Variants in SOS2 observed in about 807,000 individuals in gnomAD.
SOS2 encodes son of sevenless homolog 2.
SOS2 carries 65 observed loss-of-function variants against 148.2 expected under a neutral mutation model. The ratio of observed to expected loss-of-function variants is 0.44; its 90% CI spans 0.36 to 0.54. SOS2 has a LOEUF of 0.54. SOS2 is among the 20% of genes least tolerant of loss of function. The pLI, the probability that SOS2 is intolerant of heterozygous loss-of-function variation, is 0.00. For synonymous variants in SOS2, 539 were observed against 537.1 expected, an observed-to-expected ratio of 1.00 and a Z score of -0.05; for missense variants, 1,341 against 1,590.2, an observed-to-expected ratio of 0.84 and a Z score of 2.67.
chr14:50,221,252 T>C (rs1036700280), intron 1 of SOS2, among the ~76,000 whole-genome samples: 7 of 152,204 alleles, frequency 4.6e-5, no homozygotes, highest in African/African-American at 7.2e-5. Context: ...TTGCTTTTTT[T>C]CCCCTGTGAA....
chr14:50,121,527 G>C (rs550789162), intron 21 of SOS2, among the ~76,000 whole-genome samples: 1,550 of 68,476 alleles, frequency 0.023, 164 homozygotes, highest in Non-Finnish European at 0.029. Context: ...TTACTTCCTG[G>C]GGGAGGGGGG....
intron 6 of SOS2, 24 bp from the exon 7 acceptor site, chr14:50,180,706 G>A: frequency 1.6e-6 from 2 of 1,285,544 alleles, no homozygotes; most frequent in Non-Finnish European, 2.2e-6. Context: ...AAGAGAAAAA[G>A]CATTAGGTTT....
Position 50,162,151 on chromosome 14 carries a change from ATTTTTAT to A in SOS2, c.1069-549_1069-543del, listed in dbSNP as rs553224472. 2.2e-3 allele frequency among the ~76,000 whole-genome samples: 334 copies of A among 151,946 alleles called. 2 individuals carry two copies. The highest frequency in any genetic ancestry group is 7.1e-3 in the African/African-American group (296 of 41,474). ...ACTGTAAAAACCATTCGGACATTTTATTTTTATTTTTTATTTTTTTGAGACAGGGTCT... is the reference window on the plus strand; with the variant it reads ...ACTGTAAAAACCATTCGGACATTTTATTTTTATTTTTTTGAGACAGGGTCT... On this transcript the variant is annotated intron_variant, in intron 8 of 22. Coordinates refer to ENST00000216373, the MANE Select transcript of SOS2 (RefSeq NM_006939.4).
rs190047869 is a variant in SOS2, at chr14:50,160,887, C to T, written c.1196+595G>A. 6.4e-4 allele frequency among the ~76,000 whole-genome samples: 98 copies of T among 152,096 alleles called. No homozygotes were observed. The East Asian group carries it at 0.013, about 20-fold the overall frequency. ...TGTTGGCATGTGCCACCCAGCTACT[C>T]GAGTCCCAGCTACTCCAGAGGGTTG... is the stretch of plus-strand genomic sequence containing the variant. On this transcript the variant is annotated intron_variant, in intron 9 of 22. Transcript: ENST00000216373.
At chr14:50,189,400 C>T (rs1039024255) in intron 4 of SOS2, among the ~76,000 whole-genome samples, 11 of 146,558 alleles carry the variant, frequency 7.5e-5, no homozygotes, top group African/African-American at 2.5e-4. Context: ...CCAGTTCAGC[C>T]ACTACTCGAC....
intron 18 of SOS2, among the ~76,000 whole-genome samples, chr14:50,135,089 A>AAAAGAAAGAAAGAAAGAAAGAAAGAAAG (rs536084984): frequency 6.1e-5 from 8 of 131,538 alleles, no homozygotes; most frequent in Non-Finnish European, 9.5e-5. Flanking sequence ...AAAAAAAAAA[A>AAAAGAAAGAAAGAAAGAAAGAAAGAAAG]AAAGAAAGAA....
intron 20 of SOS2, among the ~76,000 whole-genome samples, chr14:50,130,239 CT>C (rs1883822733): frequency 6.6e-6 from 1 of 152,164 alleles, no homozygotes; most frequent in Admixed American, 6.5e-5. Context: ...TATTCATCAT[CT>C]ATTGCTCCCT....
Position 50,188,506 on chromosome 14 carries a change from A to C in SOS2, c.705T>G (p.Phe235Leu), listed in dbSNP as rs766413225. The change falls in exon 5 of 23, where the codon TTT becomes TTG. Residue 235 changes from phenylalanine to leucine, a missense_variant. Phe to Leu is a conservative substitution (Grantham distance 22). This residue lies in a region of SOS2 where 574 missense variants were observed against 711.1 expected (regional missense o/e 0.81). Coordinates refer to ENST00000216373, the MANE Select transcript of SOS2 (RefSeq NM_006939.4). The stretch of plus-strand genomic sequence containing the variant: ...CCAAAAAGGTACTTACAGAAGGTTT[A>C]AACAGCTTTCTATCAGAAAGAAAGG... ...REAFLSDRKLFKPSDIEKIFS... is the reference protein window; with the variant it reads ...REAFLSDRKLLKPSDIEKIFS... 1.3e-6 allele frequency: 2 copies of C among 1,599,088 alleles called. No homozygotes were observed. The highest frequency in any genetic ancestry group is 2.7e-5 in the African/African-American group (2 of 73,870).
intron 7 of SOS2, among the ~76,000 whole-genome samples, chr14:50,180,090 C>T (rs756442064): frequency 1.8e-4 from 28 of 151,596 alleles, no homozygotes; most frequent in Non-Finnish European, 3.2e-4. Context: ...CTGCAACCTC[C>T]GCCTTCCGGG....
rs1163199209 is a variant in SOS2 at position 50,118,518 on chromosome 14, A to G, written c.3825T>C (p.Tyr1275=). The G allele has an allele frequency of 2.5e-6, 4 of 1,614,066 alleles. No individual in the cohort carries two copies. The highest frequency in any genetic ancestry group is 3.3e-5 in the Admixed American group (2 of 60,006). ...TPSPRVPRRC[Y]VLSSSQNNLA... is the part of the protein sequence containing the mutation. ...GATTATTCTGACTAGAACTGAGCAC[A>G]TAGCATCGACGCGGTACCCTTGGAG... is the stretch of plus-strand genomic sequence containing the variant. The change falls in exon 23 of 23, where the codon TAT becomes TAC. Residue 1275 remains tyrosine (Y), a synonymous_variant. Coordinates refer to ENST00000216373, the MANE Select transcript of SOS2 (RefSeq NM_006939.4).
chr14:50,146,331 C>T (rs1429572990), intron 14 of SOS2, among the ~76,000 whole-genome samples: 1 of 151,620 alleles, frequency 6.6e-6, no homozygotes, highest in African/African-American at 2.4e-5. Context: ...TATGCATATA[C>T]CCTAGATAAA....
At chr14:50,153,724 T>TA (rs1884732328) in intron 12 of SOS2, among the ~76,000 whole-genome samples, 1 of 152,184 alleles carries the variant, frequency 6.6e-6, no homozygotes, top group South Asian at 2.1e-4. Flanking sequence ...GTGACTCTCC[T>TA]ACTTCAGCCT....
chr14:50,174,433 G>C, intron 8 of SOS2, 21 bp downstream of exon 8: 3 of 1,373,328 alleles, frequency 2.2e-6, no homozygotes, highest in South Asian at 2.7e-5. Flanking sequence ...AGTACTTTGA[G>C]ATTCTGTTAT....
In SOS2 at chr14:50,140,064, A is replaced by G. The variant is rs1045852656; in HGVS notation, c.2668-5T>C. 10 of 1,282,446 alleles carry G rather than the reference A, an allele frequency of 7.8e-6. No individual in the cohort carries two copies. The African/African-American group carries it at 1.5e-4, about 19-fold the overall frequency. 79.4% of individuals were successfully genotyped at this position (1,282,446 alleles called of 1,614,324 possible). On this transcript the variant is annotated splice_polypyrimidine_tract_variant and splice_region_variant and intron_variant, in intron 16 of 22. Coordinates refer to ENST00000216373, the MANE Select transcript of SOS2 (RefSeq NM_006939.4). ...CCTTTTCCTTTCCTGCAGTGCCTTAAAGTATACATAAATTGAGTATAAATT... is the reference window on the plus strand; with the variant it reads ...CCTTTTCCTTTCCTGCAGTGCCTTAGAGTATACATAAATTGAGTATAAATT...
intron 18 of SOS2, among the ~76,000 whole-genome samples, chr14:50,135,640 T>G (rs1246487009): frequency 7.4e-6 from 1 of 134,362 alleles, no homozygotes; most frequent in Non-Finnish European, 1.6e-5. Context: ...CAATGTGGTT[T>G]GCTTTTTTTT....
At chr14:50,173,455 T>C (rs10132948) in intron 8 of SOS2, among the ~76,000 whole-genome samples, 130,596 of 151,828 alleles carry the variant, frequency 0.86, 56,280 homozygotes, top group East Asian at 0.91. Context: ...GGAGTCTCGC[T>C]CTGTCGCCCA....
chr14:50,188,761 C>G, intron 4 of SOS2, 61 bp from the exon 5 acceptor site: 1 of 1,155,752 alleles, frequency 8.7e-7, no homozygotes, highest in Non-Finnish European at 1.2e-6. Context: ...AAAACTGCCT[C>G]AAAGTACTTG....
chr14:50,139,104 G>A (rs73281487), intron 17 of SOS2, among the ~76,000 whole-genome samples: 5,453 of 152,104 alleles, frequency 0.036, 342 homozygotes, highest in African/African-American at 0.12. Context: ...AATCTATTCT[G>A]ACCAAATATT....
At chr14:50,193,813 C>A (rs1386247677) in intron 4 of SOS2, among the ~76,000 whole-genome samples, 1 of 151,284 alleles carries the variant, frequency 6.6e-6, no homozygotes, top group Non-Finnish European at 1.5e-5. Flanking sequence ...AAGTGGTACT[C>A]GGCTCACTGC....
Sources: allele counts gnomAD v4.1 joint callset (sites outside exome capture counted in the v4.1 genomes callset), GRCh38; gene constraint gnomAD v4.1.1; regional missense constraint gnomAD v4.1.1; transcripts MANE v1.5; gene names NCBI Gene and HGNC (gene_info 2026-07-23, HGNC 2026-07-21).